Variants in ZNF451 observed in about 807,000 individuals in gnomAD.
The protein encoded by ZNF451 is zinc finger protein 451, also known as E3 SUMO-protein ligase ZNF451.
In ZNF451, 80 loss-of-function variants were observed where a neutral mutation model predicts 107.1. The observed-to-expected ratio is 0.75, with a 90% CI of 0.62 to 0.90. ZNF451 has a LOEUF of 0.90. Ranked by LOEUF, ZNF451 falls within the 40% of genes least tolerant of loss-of-function variation. The pLI, the probability that ZNF451 is intolerant of heterozygous loss-of-function variation, is 0.00. For missense variants in ZNF451, 1,107 were observed against 1,236.2 expected (o/e 0.90, Z 1.57); for synonymous variants, 362 against 406.5 (o/e 0.89, Z 1.32).
Position 57,168,534 on chromosome 6 carries a change from T to A in ZNF451, c.*65T>A. 1 of 1,353,080 alleles carries A rather than the reference T, an allele frequency of 7.4e-7. No homozygotes were observed. 83.8% of individuals were successfully genotyped at this position (1,353,080 alleles called of 1,614,324 possible). A position where few individuals can be genotyped will look rare whatever the true frequency, so the allele number is the denominator to read the frequency against. ...GACTGAGATAACGAATTCTTGAGTTTGTTTTCTAAAGGAGACCAGAAATCC... is the reference window on the plus strand; with the variant it reads ...GACTGAGATAACGAATTCTTGAGTTAGTTTTCTAAAGGAGACCAGAAATCC... On this transcript the variant is annotated 3_prime_UTR_variant, in exon 15 of 15. Coordinates refer to ENST00000370706, the MANE Select transcript of ZNF451 (RefSeq NM_001031623.3).
intron 3 of ZNF451, 90 bp downstream of exon 3, chr6:57,099,231 G>C: frequency 9.6e-7 from 1 of 1,046,440 alleles, no homozygotes; most frequent in East Asian, 2.5e-5. Context: ...GGAAGGCTGT[G>C]TTTAGAAATA....
chr6:57,103,169 G>A, intron 3 of ZNF451: 1 of 985,398 alleles, frequency 1.0e-6, no homozygotes, highest in Non-Finnish European at 1.2e-6. Flanking sequence ...AAACATGCCT[G>A]ACAATCTTGT....
chr6:57,150,768 T>A lies in ZNF451; in HGVS notation c.2658T>A (p.Thr886=). 1 of 1,613,656 alleles carries A rather than the reference T, an allele frequency of 6.2e-7. No homozygotes were observed. Among genetic ancestry groups the A allele is most frequent in the African/African-American group, 1.3e-5 (1 of 75,020 alleles). ...ATTTGGATTACCTGCGAACCATGAC[T>A]CATATAGTCTTTGTAGATTTTGATA... is the stretch of plus-strand genomic sequence containing the variant. ...LPDLDYLRTM[T]HIVFVDFDNW... The change falls in exon 11 of 15, where the codon ACT becomes ACA. Residue 886 remains threonine (T), a synonymous_variant. Transcript: ENST00000370706.
rs1832308276 is a variant in ZNF451, at chr6:57,150,815, A to G, written c.2705A>G (p.His902Arg). The G allele has an allele frequency of 2.5e-6, 4 of 1,614,060 alleles. No individual in the cohort carries two copies. In the East Asian group the frequency reaches 8.9e-5, roughly 36 times the overall value. ...DFDNWSNFFG[H>R]LPGHLNQGTF... ...GATAACTGGTCAAACTTTTTTGGTC[A>G]TCTACCAGGGCATCTAAACCAAGGA... Residue 902 changes from histidine (H) to arginine (R), a missense_variant, in exon 11 of 15, where the codon CAT becomes CGT. Physicochemically the swap from His to Arg is conservative, Grantham distance 29 (BLOSUM62 0). Around this residue, in one of 5 missense-constraint regions of ZNF451, gnomAD observed 608 missense variants for 649.2 expected, o/e 0.94. Transcript: ENST00000370706.
intron 5 of ZNF451, among the ~76,000 whole-genome samples, chr6:57,132,150 AG>A (rs1284398713): frequency 1.2e-4 from 19 of 152,304 alleles, no homozygotes; most frequent in African/African-American, 4.6e-4. Flanking sequence ...GAAAGGGGAG[AG>A]GTATCAACAA....
Position 57,133,060 on chromosome 6 carries a change from T to A in ZNF451, c.443T>A (p.Ile148Asn). 1 of 1,614,082 alleles carries A rather than the reference T, an allele frequency of 6.2e-7. No individual in the cohort carries two copies. Among genetic ancestry groups the A allele is most frequent in the Non-Finnish European group, 8.5e-7 (1 of 1,179,974 alleles). ...GATGCAGGACTCAAAACAGGCACAA[T>A]TAATTGTGGAACAAAAAGTTCATTC... is the stretch of plus-strand genomic sequence containing the variant. ...LKMPGLKTGT[I>N]NCGTKSSFRR... The change falls in exon 6 of 15, where the codon ATT becomes AAT. Residue 148 changes from isoleucine (I) to asparagine (N), a missense_variant. Ile to Asn is a moderately radical substitution (Grantham distance 149). Around this residue, in one of 5 missense-constraint regions of ZNF451, gnomAD observed 339 missense variants for 372.8 expected, o/e 0.91. Coordinates refer to ENST00000370706, the MANE Select transcript of ZNF451 (RefSeq NM_001031623.3).
At chr6:57,111,905 G>T (rs193290466) in intron 3 of ZNF451, among the ~76,000 whole-genome samples, 19 of 152,310 alleles carry the variant, frequency 1.2e-4, no homozygotes, top group Admixed American at 7.2e-4. Flanking sequence ...TGTGTTTTAA[G>T]ATTTGTTCAT....
At chr6:57,152,495 A>G in intron 12 of ZNF451, 144 bp downstream of exon 12, 2 of 923,868 alleles carry the variant, frequency 2.2e-6, no homozygotes, top group Non-Finnish European at 3.2e-6. Flanking sequence ...AGGACCCCAT[A>G]GCATATTTTT....
intron 7 of ZNF451, among the ~76,000 whole-genome samples, chr6:57,138,741 A>ATGTGTGTGTGTGTGTGTG (rs1185366526): frequency 2.1e-5 from 1 of 46,586 alleles, no homozygotes; most frequent in Non-Finnish European, 3.6e-5. Context: ...ATATATATAT[A>ATGTGTGTGTGTGTGTGTG]TGTGTGTGTG....
At chr6:57,157,520 A>G (rs894406134) in intron 13 of ZNF451, among the ~76,000 whole-genome samples, 2 of 152,114 alleles carry the variant, frequency 1.3e-5, no homozygotes, top group African/African-American at 4.8e-5. Flanking sequence ...TAGTTAGGGT[A>G]AAAGTTCTTT....
At chr6:57,146,941 ATCATTATG>A (rs753369950) in intron 9 of ZNF451, 141 bp from the exon 10 acceptor site, 91 of 643,886 alleles carry the variant, frequency 1.4e-4, no homozygotes, top group Non-Finnish European at 2.2e-4. Context: ...ATGATAGAAC[ATCATTATG>A]TCATTTGCAT....
rs767093211 is a variant in ZNF451, at chr6:57,142,047, C to A, written c.956C>A (p.Ala319Asp). 9 of 1,613,972 alleles carry A rather than the reference C, an allele frequency of 5.6e-6. No individual in the cohort carries two copies. The highest frequency in any genetic ancestry group is 5.0e-5 in the Admixed American group (3 of 60,020). The change falls in exon 9 of 15, where the codon GCC becomes GAC. Residue 319 changes from alanine (A) to aspartate (D), a missense_variant. Ala to Asp is a moderately radical substitution (Grantham distance 126, BLOSUM62 -2). Coordinates refer to ENST00000370706, the MANE Select transcript of ZNF451 (RefSeq NM_001031623.3). ...GTTCCCTTTCAAGTTAAGTGTGTGG[C>A]CTGCCACAAGACACTGCGTTCCCAC... Reference protein sequence around the residue: ...KDVPFQVKCVACHKTLRSHME... With the variant: ...KDVPFQVKCVDCHKTLRSHME...
chr6:57,102,733 C>T, intron 3 of ZNF451: 1 of 985,408 alleles, frequency 1.0e-6, no homozygotes, highest in Non-Finnish European at 1.2e-6. Flanking sequence ...GTTTGCTTCC[C>T]CTTGGAATGG....
chr6:57,152,246 G>A lies in ZNF451; in HGVS notation c.2778G>A (p.Pro926=), dbSNP rs761246043. Residue 926 remains proline, a synonymous_variant, in exon 12 of 15, where the codon CCG becomes CCA. Transcript: ENST00000370706. The part of the protein sequence containing the change: ...FQGGNTNWKP[P]LNCKIYNYLN... Reference sequence around the variant, plus strand: ...GAGGAAACACCAATTGGAAGCCTCCGCTCAACTGTAAGATTTATAACTACC... The same window carrying A: ...GAGGAAACACCAATTGGAAGCCTCCACTCAACTGTAAGATTTATAACTACC... The A allele has an allele frequency of 1.6e-5, 26 of 1,613,052 alleles. No individual in the cohort carries two copies. Among genetic ancestry groups the A allele is most frequent in the Admixed American group, 1.3e-4 (8 of 59,950 alleles).
At chr6:57,104,246 A>C in intron 3 of ZNF451, 2 of 985,390 alleles carry the variant, frequency 2.0e-6, no homozygotes, top group Non-Finnish European at 2.4e-6. Flanking sequence ...TTTGTAGCTT[A>C]TGTGTATTGC....
intron 4 of ZNF451, chr6:57,126,663 G>A (rs572191904): frequency 6.6e-6 from 1 of 152,282 alleles, no homozygotes; most frequent in East Asian, 1.9e-4. Context: ...GCTCATGCCT[G>A]TAATCCCAGC....
At position 57,103,959 on chromosome 6, in the gene ZNF451, T is replaced by C. The variant is rs1829726101; in HGVS notation, c.186+4818T>C. On this transcript the variant is annotated intron_variant, in intron 3 of 14. Coordinates refer to ENST00000370706, the MANE Select transcript of ZNF451 (RefSeq NM_001031623.3). ...TTTTCCTACTTGGAAGAAATTACTT[T>C]ATCAGTTAATTTCAGGGTACTGTAT... is the stretch of plus-strand genomic sequence containing the variant. 13 of 985,274 alleles carry C rather than the reference T, an allele frequency of 1.3e-5. No individual in the cohort carries two copies. The South Asian group carries it at 4.2e-4, about 32-fold the overall frequency. 61.0% of individuals were successfully genotyped at this position (985,274 alleles called of 1,614,324 possible).
At chr6:57,108,332 C>T in intron 3 of ZNF451, 3 of 985,314 alleles carry the variant, frequency 3.0e-6, no homozygotes, top group Non-Finnish European at 3.6e-6. Context: ...TACAGTTAGA[C>T]CTCTTGTTAA....
At chr6:57,102,293 A>G (rs777112670) in intron 3 of ZNF451, 29 of 1,288,602 alleles carry the variant, frequency 2.3e-5, no homozygotes, top group Non-Finnish European at 2.8e-5. Context: ...TTATTGGCCA[A>G]GTGAGCAGTG....
Sources: gnomAD v4.1 joint callset for allele counts (sites outside exome capture counted in the v4.1 genomes callset) on GRCh38, gnomAD v4.1.1 for gene constraint, gnomAD v4.1.1 regional missense constraint, MANE v1.5 for transcripts, NCBI Gene and HGNC (gene_info 2026-07-23, HGNC 2026-07-21) for gene names.